The following LYZL1 variants were observed in gnomAD, a reference collection of about 807,000 sequenced individuals.
The protein encoded by LYZL1 is lysozyme like 1.
Under a neutral mutation model 17.9 loss-of-function variants are expected in LYZL1, and 16 were observed. The observed-to-expected ratio is 0.90, with a 90% confidence interval of 0.61 to 1.36. The LOEUF (loss-of-function observed/expected upper bound fraction) is 1.36, where lower values mean the gene tolerates loss of function less well. LYZL1 is among the 40% of genes most tolerant of loss of function. The pLI, the probability that LYZL1 is intolerant of heterozygous loss-of-function variation, is 0.00. For missense variants in LYZL1, 149 were observed against 188.4 expected, an observed-to-expected ratio of 0.79 and a Z score of 1.22; for synonymous variants, 58 against 71.8, an observed-to-expected ratio of 0.81 and a Z score of 0.97.
downstream of LYZL1, among the ~76,000 whole-genome samples, chr10:29,312,894 T>C (rs2132840629): frequency 6.6e-6 from 1 of 152,294 alleles, no homozygotes; most frequent in African/African-American, 2.4e-5. Context: ...ATGCCTTCAA[T>C]TGATGTTTGT....
At chr10:29,313,284 C>G (rs1835694139), downstream of LYZL1, among the ~76,000 whole-genome samples, 1 of 152,162 alleles carries the variant, frequency 6.6e-6, no homozygotes, top group African/African-American at 2.4e-5. Flanking sequence ...CATTAAGCTG[C>G]ACTAAATCAA....
chr10:29,311,234 G>A (rs1013353824), downstream of LYZL1: 158 of 1,499,276 alleles, frequency 1.1e-4, no homozygotes, highest in Middle Eastern at 1.2e-3. Flanking sequence ...TCTTCACCCC[G>A]TCTCAGTTCC....
chr10:29,303,849 G>C (rs1391834541), intron 3 of LYZL1, among the ~76,000 whole-genome samples: 1 of 152,230 alleles, frequency 6.6e-6, no homozygotes, highest in South Asian at 2.1e-4. Context: ...CTGAAAAAAA[G>C]TTAGCATTAG....
At chr10:29,310,357 T>C (rs1279313860) in intron 4 of LYZL1, among the ~76,000 whole-genome samples, 169 bp downstream of exon 4, 2 of 152,262 alleles carry the variant, frequency 1.3e-5, no homozygotes, top group Non-Finnish European at 1.5e-5. Flanking sequence ...GCAGTGAACA[T>C]AGTAGTACAT....
intron 3 of LYZL1, among the ~76,000 whole-genome samples, chr10:29,295,211 C>A (rs970102980): frequency 1.2e-4 from 19 of 152,222 alleles, no homozygotes; most frequent in African/African-American, 4.3e-4. Context: ...TAATTTAGAA[C>A]ATTCCTTTGT....
At chr10:29,292,460 C>G (rs1190007970) in intron 2 of LYZL1, 59 bp from the exon 3 acceptor site, 3 of 1,588,910 alleles carry the variant, frequency 1.9e-6, no homozygotes, top group Non-Finnish European at 2.6e-6. Context: ...GCCCTCAGAC[C>G]AAGCTTAGAG....
chr10:29,299,845 A>T (rs192163330), intron 3 of LYZL1, among the ~76,000 whole-genome samples: 1 of 152,222 alleles, frequency 6.6e-6, no homozygotes, highest in Non-Finnish European at 1.5e-5. Flanking sequence ...TATAGATAGC[A>T]TATAGTTATG....
chr10:29,311,006 C>G lies in LYZL1; in HGVS notation c.394C>G (p.His132Asp). The change falls in exon 5 of 5, where the codon CAT becomes GAT. Residue 132 changes from histidine (H) to aspartate (D), a missense_variant. Physicochemically the swap from His to Asp is moderately conservative, Grantham distance 81. Around this residue, in one of 2 missense-constraint regions of LYZL1, gnomAD observed 130 missense variants for 132.5 expected, o/e 0.98. Transcript: ENST00000649382. Reference sequence around the variant, plus strand: ...CATCCTCAGGCAAGGCTGGAAGAAACATTGTGAGGGCAGAGACCTGTCCGA... The same window carrying G: ...CATCCTCAGGCAAGGCTGGAAGAAAGATTGTGAGGGCAGAGACCTGTCCGA... ...GMNYWQGWKKHCEGRDLSEWK... is the reference protein window; with the variant it reads ...GMNYWQGWKKDCEGRDLSEWK... 1 of 1,614,170 alleles carries G rather than the reference C, an allele frequency of 6.2e-7. No homozygotes were observed. The highest frequency in any genetic ancestry group is 8.5e-7 in the Non-Finnish European group (1 of 1,180,032).
At chr10:29,316,209 C>T (rs959140314), downstream of LYZL1, among the ~76,000 whole-genome samples, 1 of 152,210 alleles carries the variant, frequency 6.6e-6, no homozygotes, top group Non-Finnish European at 1.5e-5. Flanking sequence ...TCACAGCACT[C>T]TGCCTTGAGC....
At chr10:29,300,454 G>A (rs770230087) in intron 3 of LYZL1, among the ~76,000 whole-genome samples, 15 of 151,834 alleles carry the variant, frequency 9.9e-5, no homozygotes, top group East Asian at 3.9e-4. Context: ...ATGTTGTCAC[G>A]CATTTTTCTT....
chr10:29,311,141 G>C lies in LYZL1; in HGVS notation c.*82G>C. 2 of 1,612,500 alleles carry C rather than the reference G, an allele frequency of 1.2e-6. No individual in the cohort carries two copies. The highest frequency in any genetic ancestry group is 2.2e-5 in the South Asian group (2 of 90,824). On this transcript the variant is annotated 3_prime_UTR_variant, in exon 5 of 5. Transcript: ENST00000649382. ...CCAAATGCCTGTGTCATCTTGTCCC[G>C]TTTCCTCCCAATATTCCTTCTCAAA...
intron 3 of LYZL1, among the ~76,000 whole-genome samples, chr10:29,306,723 T>C (rs1809434571): frequency 6.6e-6 from 1 of 151,996 alleles, no homozygotes; most frequent in Admixed American, 6.6e-5. Context: ...AATTTTATTT[T>C]TGTATACATT....
chr10:29,312,689 C>T (rs575698772), downstream of LYZL1, among the ~76,000 whole-genome samples: 1 of 152,244 alleles, frequency 6.6e-6, no homozygotes, highest in South Asian at 2.1e-4. Context: ...CCCAGGATGC[C>T]TTCTGCTCCG....
chr10:29,299,660 C>T (rs1453251831), intron 3 of LYZL1, among the ~76,000 whole-genome samples: 3 of 152,180 alleles, frequency 2.0e-5, no homozygotes, highest in Non-Finnish European at 1.5e-5. Context: ...ACCCTTTTGT[C>T]ACTGGAGTCC....
chr10:29,289,782 C>T (rs1052396768), intron 1 of LYZL1, among the ~76,000 whole-genome samples: 1 of 152,120 alleles, frequency 6.6e-6, no homozygotes, highest in Non-Finnish European at 1.5e-5. Context: ...CTGTACACAG[C>T]GGACTGGCAT....
chr10:29,304,781 AGGAG>A (rs1348176107), intron 3 of LYZL1, among the ~76,000 whole-genome samples: 16 of 152,228 alleles, frequency 1.1e-4, no homozygotes, highest in Non-Finnish European at 1.5e-4. Flanking sequence ...GCTGGGAGGC[AGGAG>A]GGAGCTCTTG....
intron 3 of LYZL1, among the ~76,000 whole-genome samples, chr10:29,305,823 CTACCTT>C (rs774733335): frequency 2.6e-5 from 4 of 152,154 alleles, no homozygotes; most frequent in Admixed American, 1.3e-4. Context: ...AAATCTGTCA[CTACCTT>C]TATCTTCTAG....
chr10:29,295,232 T>C (rs541257270), intron 3 of LYZL1, among the ~76,000 whole-genome samples: 10 of 152,360 alleles, frequency 6.6e-5, no homozygotes, highest in African/African-American at 2.4e-4. Context: ...TAGGCCAAAA[T>C]CTGTCTTCTT....
chr10:29,292,211 T>C (rs1835378258), intron 2 of LYZL1, among the ~76,000 whole-genome samples: 1 of 150,296 alleles, frequency 6.7e-6, no homozygotes, highest in Admixed American at 6.7e-5. Context: ...CCTGGAGTCC[T>C]GTCCTTATGA....
Sources: allele counts gnomAD v4.1 joint callset (sites outside exome capture counted in the v4.1 genomes callset), GRCh38; gene constraint gnomAD v4.1.1; regional missense constraint gnomAD v4.1.1; transcripts MANE v1.5; gene names NCBI Gene and HGNC (gene_info 2026-07-23, HGNC 2026-07-21).